The following CES4A variants were observed in gnomAD, a reference collection of about 807,000 sequenced individuals.
CES4A encodes the protein carboxylesterase 4A.
Under a neutral mutation model 65.4 loss-of-function variants are expected in CES4A, and 48 were observed. The ratio of observed to expected loss-of-function variants is 0.73; its 90% CI spans 0.58 to 0.93. The LOEUF (loss-of-function observed/expected upper bound fraction) is 0.93, where lower values mean the gene tolerates loss of function less well. Ranked by LOEUF, CES4A falls within the 40% of genes least tolerant of loss-of-function variation. CES4A has a pLI of 0.00. For synonymous variants in CES4A, 247 were observed against 281.8 expected (o/e 0.88, Z 1.24); for missense variants, 685 against 728.5 (o/e 0.94, Z 0.69).
intron 13 of CES4A, 145 bp from the exon 14 acceptor site, chr16:67,008,829 A>T: frequency 1.3e-6 from 1 of 792,348 alleles, no homozygotes; most frequent in African/African-American, 1.7e-5. Flanking sequence ...ACACTTTCCT[A>T]CTCTTTATTA....
intron 1 of CES4A, among the ~76,000 whole-genome samples, chr16:66,990,574 C>T (rs972870802): frequency 2.0e-5 from 3 of 152,000 alleles, no homozygotes; most frequent in Non-Finnish European, 4.4e-5. Context: ...TGGTGCATGC[C>T]TGCAGTCCCA....
exon 13 of CES4A, chr16:67,006,792 T>C (rs1965795285): frequency 5.6e-6 from 9 of 1,614,108 alleles, no homozygotes; most frequent in South Asian, 1.1e-5. Context: ...GATGATGAAA[T>C]ACTGGGCCAA....
intron 9 of CES4A, 80 bp from the exon 10 acceptor site, chr16:67,004,713 T>C (rs1173454067): frequency 5.2e-6 from 6 of 1,146,058 alleles, no homozygotes; most frequent in East Asian, 5.1e-5. Flanking sequence ...GGCAAGACCT[T>C]TGGGGCCTTT....
At chr16:67,004,955 C>A (rs1965638326) in intron 10 of CES4A, 82 bp downstream of exon 10, 1 of 1,090,816 alleles carries the variant, frequency 9.2e-7, no homozygotes, top group Non-Finnish European at 1.3e-6. Context: ...CTGCTCTTTG[C>A]AAAGGGGCTC....
chr16:66,993,103 G>A (rs1964522317), intron 1 of CES4A, among the ~76,000 whole-genome samples: 2 of 152,174 alleles, frequency 1.3e-5, no homozygotes, highest in Admixed American at 1.3e-4. Flanking sequence ...ATGACAGCCT[G>A]GAAGAGGAAG....
At chr16:66,995,713 C>G (rs1200629625) in exon 2 of CES4A, 1 of 1,614,212 alleles carries the variant, frequency 6.2e-7, no homozygotes, top group Non-Finnish European at 8.5e-7. Flanking sequence ...AGACACCCAT[C>G]CAAGTCTTTT....
At chr16:66,994,652 T>A (rs997733913) in intron 1 of CES4A, among the ~76,000 whole-genome samples, 5 of 150,986 alleles carry the variant, frequency 3.3e-5, no homozygotes, top group Admixed American at 2.6e-4. Context: ...CCATCCTGGC[T>A]AGTACGGTGA....
intron 1 of CES4A, among the ~76,000 whole-genome samples, chr16:66,990,592 G>A (rs755729799): frequency 6.6e-5 from 10 of 152,050 alleles, no homozygotes; most frequent in Admixed American, 2.6e-4. Flanking sequence ...CCAACTGCTC[G>A]AGAGGCTGAA....
At chr16:66,990,120 C>T (rs149876255) in intron 1 of CES4A, among the ~76,000 whole-genome samples, 2,665 of 149,686 alleles carry the variant, frequency 0.018, 69 homozygotes, top group South Asian at 0.073. Flanking sequence ...GTGCCATCTC[C>T]GCTCACCGCA....
rs2145630105 is a variant in CES4A at position 67,001,185 on chromosome 16, G to A, written c.537-123G>A. 11 of 1,375,544 alleles carry A rather than the reference G, an allele frequency of 8.0e-6. No individual in the cohort carries two copies. Among genetic ancestry groups the A allele is most frequent in the Non-Finnish European group, 9.7e-6 (10 of 1,034,764 alleles). The allele number at this position is 1,375,544 out of a possible 1,614,324, so 85.2% of individuals were successfully genotyped here. A position where few individuals can be genotyped will look rare whatever the true frequency, so the allele number is the denominator to read the frequency against. On this transcript the variant is annotated intron_variant, in intron 4 of 13. Transcript: ENST00000648724. The surrounding 1 kb of genome is among the most constrained non-coding windows in gnomAD (Gnocchi z 4.1). ...GCGAGCTAACTCCAAGGAAGGGGGT[G>A]TGGTCGCAGGACTGGGTCTTAGAGG... is the stretch of plus-strand genomic sequence containing the variant.
At chr16:66,997,882 G>C (rs1208258122) in intron 2 of CES4A, among the ~76,000 whole-genome samples, 2 of 151,856 alleles carry the variant, frequency 1.3e-5, no homozygotes, top group Non-Finnish European at 2.9e-5. Context: ...AGGATTGCTT[G>C]GGCTTGGGAG....
At chr16:67,002,777 A>T (rs1178252404) in intron 5 of CES4A, among the ~76,000 whole-genome samples, 3 of 151,950 alleles carry the variant, frequency 2.0e-5, no homozygotes, top group African/African-American at 7.3e-5. Flanking sequence ...CCTTCCACCT[A>T]CCCCTCATTT....
Position 67,003,340 on chromosome 16 carries a change from A to T in CES4A, c.880A>T (p.Met294Leu), listed in dbSNP as rs1401037267. ...GAGGGCACTATCAGGGACCAAGGTGATGCGTGTGTCCAACAAGATGGTAGG... is the reference window on the plus strand; with the variant it reads ...GAGGGCACTATCAGGGACCAAGGTGTTGCGTGTGTCCAACAAGATGGTAGG... Residue 294 changes from methionine to leucine, a missense_variant, in exon 7 of 14, where the codon ATG becomes TTG. Transcript: ENST00000648724. This position sits in a 1 kb window ranked among gnomAD's most constrained non-coding sequence, Gnocchi z 4.2. 1.9e-6 allele frequency: 3 copies of T among 1,614,032 alleles called. No homozygotes were observed. The highest frequency in any genetic ancestry group is 4.5e-5 in the East Asian group (2 of 44,888).
intron 11 of CES4A, chr16:67,005,639 G>A (rs1162223890): frequency 2.3e-6 from 1 of 439,892 alleles, no homozygotes; most frequent in African/African-American, 2.0e-5. Context: ...TTGAGGCCAG[G>A]AGTTCTAGAC....
At chr16:66,993,827 C>T (rs1964585856) in intron 1 of CES4A, among the ~76,000 whole-genome samples, 2 of 152,054 alleles carry the variant, frequency 1.3e-5, no homozygotes, top group African/African-American at 2.4e-5. Context: ...GTAGGCCGGG[C>T]GCGGTGGCTC....
At chr16:67,010,168 C>T (rs1370177599), downstream of CES4A, among the ~76,000 whole-genome samples, 6 of 150,708 alleles carry the variant, frequency 4.0e-5, no homozygotes, top group Admixed American at 1.3e-4. Flanking sequence ...CGAGTTCAAG[C>T]GATTCTCCTG....
intron 1 of CES4A, among the ~76,000 whole-genome samples, chr16:66,992,227 T>C (rs532739840): frequency 9.2e-5 from 14 of 152,350 alleles, no homozygotes; most frequent in African/African-American, 2.9e-4. Context: ...CTTTGTAAAC[T>C]GCAAAGGCTG....
At chr16:67,009,304 G>A in exon 14 of CES4A, 1 of 655,238 alleles carries the variant, frequency 1.5e-6, no homozygotes. Context: ...GCTTTTGCCT[G>A]TTGTGTGGGA....
Position 67,003,239 on chromosome 16 carries a change from CT to C in CES4A, c.796-14del. ...CAGGATGGAAGCACCACTGAGCATC[CT>C]TTCTTCTCTCTATAGAAGGTTGCCC... On this transcript the variant is annotated splice_polypyrimidine_tract_variant and intron_variant, in intron 6 of 13. Transcript: ENST00000648724. The surrounding 1 kb of genome is among the most constrained non-coding windows in gnomAD (Gnocchi z 4.2). 2 of 1,613,738 alleles carry C rather than the reference CT, an allele frequency of 1.2e-6. No homozygotes were observed. Among genetic ancestry groups the C allele is most frequent in the Non-Finnish European group, 1.7e-6 (2 of 1,179,598 alleles).
Sources: allele counts gnomAD v4.1 joint callset (sites outside exome capture counted in the v4.1 genomes callset), GRCh38; gene constraint gnomAD v4.1.1; non-coding constraint Gnocchi (gnomAD v3.1); transcripts MANE v1.5; gene names NCBI Gene and HGNC (gene_info 2026-07-23, HGNC 2026-07-21).